Variants in NMT2 observed in about 807,000 individuals in gnomAD.
NMT2 encodes the protein N-myristoyltransferase 2.
A neutral mutation model predicts 65.4 loss-of-function variants in NMT2; 35 were observed. The observed-to-expected ratio is 0.54, with a 90% CI of 0.41 to 0.71. The LOEUF is 0.71. Among genes scored for constraint, NMT2 ranks in the 30% least tolerant of loss-of-function variants. NMT2 has a pLI of 0.00. For synonymous variants in NMT2, 226 were observed against 231.8 expected (o/e 0.98, Z 0.23); for missense variants, 489 against 611.3 (o/e 0.80, Z 2.11).
At chr10:15,142,062 C>G (rs1471806203) in intron 1 of NMT2, among the ~76,000 whole-genome samples, 2 of 152,284 alleles carry the variant, frequency 1.3e-5, no homozygotes, top group East Asian at 3.9e-4. Flanking sequence ...TGTCTAACTA[C>G]AGAGAGAGAC....
chr10:15,108,305 G>T lies in NMT2; in HGVS notation c.*890C>A. 1.6e-6 allele frequency: 1 copy of T among 618,252 alleles called. No homozygotes were observed. Among genetic ancestry groups the T allele is most frequent in the East Asian group, 1.4e-4 (1 of 7,134 alleles). The allele number at this position is 618,252 out of a possible 1,614,324, so 38.3% of individuals were successfully genotyped here. A position where few individuals can be genotyped will look rare whatever the true frequency, so the allele number is the denominator to read the frequency against. Reference sequence around the variant, plus strand: ...AGGTTCAAGCGATTCTCCTGCCTCAGCCTCCCAAGCAGCTGGGACTACAGG... The same window carrying T: ...AGGTTCAAGCGATTCTCCTGCCTCATCCTCCCAAGCAGCTGGGACTACAGG... On this transcript the variant is annotated 3_prime_UTR_variant, in exon 12 of 12. Transcript: ENST00000378165.
At chr10:15,135,506 T>G in intron 2 of NMT2, 88 bp from the exon 3 acceptor site, 1 of 1,316,266 alleles carries the variant, frequency 7.6e-7, no homozygotes, top group Non-Finnish European at 1.1e-6. Flanking sequence ...CCTCAGAGAC[T>G]ACAATACCTA....
Position 15,112,905 on chromosome 10 carries a change from A to T in NMT2, c.1229T>A (p.Met410Lys). 1.2e-6 allele frequency: 2 copies of T among 1,614,164 alleles called. No individual in the cohort carries two copies. The highest frequency in any genetic ancestry group is 2.2e-5 in the South Asian group (2 of 91,086). Residue 410 changes from methionine (M) to lysine (K), a missense_variant, in exon 10 of 12, where the codon ATG becomes AAG. Met to Lys is a moderately conservative substitution (Grantham distance 95). Coordinates refer to ENST00000378165, the MANE Select transcript of NMT2 (RefSeq NM_004808.3). ...GAGGCTCTTGTGAGCAGGGTGGTGC[A>T]TCACCGTGGAGGGGAGCGTATAGAA... ...LSFYTLPSTV[M>K]HHPAHKSLKA...
chr10:15,144,414 C>A (rs1278604256), intron 1 of NMT2, among the ~76,000 whole-genome samples: 2 of 152,076 alleles, frequency 1.3e-5, no homozygotes, highest in African/African-American at 2.4e-5. Flanking sequence ...CCGCTTGATA[C>A]CCATGAGGAT....
At chr10:15,128,764 G>T (rs1035655605) in intron 7 of NMT2, among the ~76,000 whole-genome samples, 21 of 152,168 alleles carry the variant, frequency 1.4e-4, no homozygotes, top group African/African-American at 4.8e-4. Flanking sequence ...CAGCACTTTG[G>T]GAGGCTGAGG....
intron 1 of NMT2, among the ~76,000 whole-genome samples, chr10:15,166,979 A>G (rs376414350): frequency 2.4e-4 from 36 of 152,342 alleles, no homozygotes; most frequent in Middle Eastern, 6.8e-3. Context: ...CAGAGAAGAT[A>G]AAAGTCCAGG....
intron 1 of NMT2, among the ~76,000 whole-genome samples, chr10:15,161,030 G>A (rs1833170426): frequency 7.8e-6 from 1 of 127,802 alleles, no homozygotes; most frequent in African/African-American, 3.0e-5. Flanking sequence ...AAGGTCAGGA[G>A]TTCGAGACCA....
chr10:15,148,740 C>A (rs568283432), intron 1 of NMT2, among the ~76,000 whole-genome samples: 4 of 151,566 alleles, frequency 2.6e-5, no homozygotes, highest in Admixed American at 1.3e-4. Flanking sequence ...TTCCTAGCAC[C>A]GAAAATAGTG....
chr10:15,118,412 G>A (rs11818470), intron 9 of NMT2, among the ~76,000 whole-genome samples: 2,217 of 152,186 alleles, frequency 0.015, 44 homozygotes, highest in African/African-American at 0.05. Context: ...GGTGGCGCAC[G>A]CCTGTAATCC....
chr10:15,154,261 G>C (rs188070440), intron 1 of NMT2, among the ~76,000 whole-genome samples: 3 of 152,324 alleles, frequency 2.0e-5, no homozygotes, highest in Admixed American at 2.0e-4. Flanking sequence ...TGTGGAAGAA[G>C]GGGCCCACTG....
intron 1 of NMT2, among the ~76,000 whole-genome samples, chr10:15,157,644 A>T (rs1442337185): frequency 5.3e-5 from 8 of 152,208 alleles, no homozygotes; most frequent in Admixed American, 5.2e-4. Flanking sequence ...TACTAAGTAC[A>T]CTGATGCTAT....
chr10:15,117,300 T>C (rs192274082), intron 9 of NMT2, among the ~76,000 whole-genome samples: 5 of 152,306 alleles, frequency 3.3e-5, no homozygotes, highest in African/African-American at 1.2e-4. Flanking sequence ...AAAAATCATA[T>C]GATTACATCT....
At chr10:15,155,453 T>G in intron 1 of NMT2, 2 of 494,594 alleles carry the variant, frequency 4.0e-6, no homozygotes, top group South Asian at 4.1e-5. Flanking sequence ...ACTGCAGCCT[T>G]GAACTTCCGG....
intron 1 of NMT2, among the ~76,000 whole-genome samples, chr10:15,162,969 T>C (rs896635750): frequency 1.1e-4 from 16 of 151,780 alleles, no homozygotes; most frequent in African/African-American, 3.9e-4. Flanking sequence ...TCTCATTCTG[T>C]TGCCCAGGCT....
chr10:15,166,530 T>G (rs1464902254), intron 1 of NMT2, among the ~76,000 whole-genome samples: 3 of 152,176 alleles, frequency 2.0e-5, no homozygotes. Flanking sequence ...TTGGCACACA[T>G]TGTCTAAATT....
rs1554822280 is a variant in NMT2, at chr10:15,127,563, A to AATAAAT, written c.999+786_999+787insATTTAT. ...CTCCGTCTCAAAAAAAAAAAAAAAA[A>AATAAAT]AAAAAAATAAATAAATAAATAAATA... On this transcript the variant is annotated intron_variant, in intron 8 of 11. Coordinates refer to ENST00000378165, the MANE Select transcript of NMT2 (RefSeq NM_004808.3). Among the ~76,000 whole-genome samples the AATAAAT allele has an allele frequency of 3.3e-5, 3 of 89,808 alleles. No homozygotes were observed. In the African/African-American group the frequency reaches 3.9e-4, roughly 12 times the overall value. The allele number at this position is 89,808 out of a possible 152,430, so 58.9% of individuals were successfully genotyped here.
At chr10:15,109,664 T>A in intron 11 of NMT2, 38 bp downstream of exon 11, 2 of 1,504,948 alleles carry the variant, frequency 1.3e-6, no homozygotes, top group Non-Finnish European at 1.8e-6. Flanking sequence ...TCTAGGTACA[T>A]TTGTTGAGTT....
intron 10 of NMT2, among the ~76,000 whole-genome samples, chr10:15,110,959 T>G (rs1469368730): frequency 6.6e-6 from 1 of 151,826 alleles, no homozygotes; most frequent in Non-Finnish European, 1.5e-5. Flanking sequence ...CCCAGCTAAT[T>G]TCTTTGTATT....
At chr10:15,167,833 G>A (rs1833425013) in intron 1 of NMT2, among the ~76,000 whole-genome samples, 1 of 152,202 alleles carries the variant, frequency 6.6e-6, no homozygotes, top group African/African-American at 2.4e-5. Context: ...ATACGGCCAG[G>A]TCAGCGGGAG....
Sources: allele counts gnomAD v4.1 joint callset (sites outside exome capture counted in the v4.1 genomes callset), GRCh38; gene constraint gnomAD v4.1.1; transcripts MANE v1.5; gene names NCBI Gene and HGNC (gene_info 2026-07-23, HGNC 2026-07-21).